Variants in SOHLH2 observed in about 807,000 individuals in gnomAD.
SOHLH2 encodes the protein spermatogenesis- and oogenesis-specific basic helix-loop-helix-containing protein 2.
SOHLH2 carries 22 observed loss-of-function variants against 50.4 expected under a neutral mutation model. The observed-to-expected ratio is 0.44, with a 90% CI of 0.31 to 0.62. The LOEUF is 0.62. Ranked by LOEUF, SOHLH2 falls within the 20% of genes least tolerant of loss-of-function variation. The pLI is 0.08. For missense variants in SOHLH2, 412 were observed against 504.4 expected (o/e 0.82, Z 1.76); for synonymous variants, 185 against 187.3 (o/e 0.99, Z 0.10).
chr13:36,194,817 T>C (rs1887675469), intron 2 of SOHLH2, among the ~76,000 whole-genome samples: 1 of 152,164 alleles, frequency 6.6e-6, no homozygotes, highest in African/African-American at 2.4e-5. Flanking sequence ...TAAAACATCA[T>C]TTATTAGCAT....
chr13:36,174,700 C>T (rs1887055224), intron 7 of SOHLH2, 22 bp downstream of exon 7: 1 of 1,590,056 alleles, frequency 6.3e-7, no homozygotes, highest in African/African-American at 1.4e-5. Context: ...GGATAAAATT[C>T]AAAGCTTTGG....
At chr13:36,199,343 C>A (rs1887829522) in intron 2 of SOHLH2, among the ~76,000 whole-genome samples, 1 of 152,120 alleles carries the variant, frequency 6.6e-6, no homozygotes, top group Admixed American at 6.5e-5. Context: ...AACCAAACGA[C>A]TCTGTCCCCT....
In SOHLH2 at chr13:36,191,880, C is replaced by T. The variant is rs368630913; in HGVS notation, c.445G>A (p.Ala149Thr). ...AATCCAAGTTCTTCAGGCCCAGTTG[C>T]GTTTTCAGTCTTAACTGAAAGTTTT... ...CPSNTVKTEN[A>T]TGPEELGLPL... The change falls in exon 5 of 11, where the codon GCA becomes ACA. Residue 149 changes from alanine to threonine, a missense_variant. Physicochemically the swap from Ala to Thr is moderately conservative, Grantham distance 58. Coordinates refer to ENST00000379881, the MANE Select transcript of SOHLH2 (RefSeq NM_017826.3). 24 of 1,613,756 alleles carry T rather than the reference C, an allele frequency of 1.5e-5. No individual in the cohort carries two copies. Among genetic ancestry groups the T allele is most frequent in the Non-Finnish European group, 2.0e-5 (24 of 1,179,850 alleles).
intron 1 of SOHLH2, among the ~76,000 whole-genome samples, chr13:36,207,912 C>T (rs1243690420): frequency 1.3e-5 from 2 of 152,120 alleles, no homozygotes; most frequent in African/African-American, 4.8e-5. Context: ...GAGAGATTTC[C>T]AGGGAGGTTC....
At chr13:36,213,649 A>C (rs1869252167) in intron 1 of SOHLH2, among the ~76,000 whole-genome samples, 1 of 152,048 alleles carries the variant, frequency 6.6e-6, no homozygotes, top group African/African-American at 2.4e-5. Context: ...GTGCTTTGCT[A>C]AAGGGGCTGA....
At chr13:36,214,293 C>T (rs1008682186) in intron 1 of SOHLH2, among the ~76,000 whole-genome samples, 186 bp downstream of exon 1, 11 of 152,134 alleles carry the variant, frequency 7.2e-5, no homozygotes, top group Admixed American at 6.5e-4. Context: ...CGGCGCTTCC[C>T]CAGCTCGGGG....
intron 5 of SOHLH2, 42 bp downstream of exon 5, chr13:36,191,753 C>A: frequency 1.2e-6 from 2 of 1,610,670 alleles, no homozygotes; most frequent in South Asian, 1.1e-5. Context: ...TCAATAAGTT[C>A]TCTAAAAATA....
At chr13:36,204,603 GGT>G (rs144625710) in intron 1 of SOHLH2, among the ~76,000 whole-genome samples, 1 of 151,848 alleles carries the variant, frequency 6.6e-6, no homozygotes, top group East Asian at 1.9e-4. Flanking sequence ...GGTGTGTGGG[GGT>G]GTGTGTGTGT....
rs1278782159 is a variant in SOHLH2, at chr13:36,211,995, T to C, written c.48+2484A>G. Among the ~76,000 whole-genome samples the C allele has an allele frequency of 2.6e-5, 4 of 152,148 alleles. No individual in the cohort carries two copies. The East Asian group carries it at 7.7e-4, about 29-fold the overall frequency. On this transcript the variant is annotated intron_variant, in intron 1 of 10. Coordinates refer to ENST00000379881, the MANE Select transcript of SOHLH2 (RefSeq NM_017826.3). The stretch of plus-strand genomic sequence containing the variant: ...CTTGAGCCTTTCCCTAGCTAGCACA[T>C]GGCATTCTGACTGCACTATCCTCCC...
chr13:36,212,911 G>A (rs1415082698), intron 1 of SOHLH2, among the ~76,000 whole-genome samples: 1 of 152,160 alleles, frequency 6.6e-6, no homozygotes, highest in Admixed American at 6.5e-5. Context: ...ATTTCCATTT[G>A]CAATCTGTGG....
intron 6 of SOHLH2, among the ~76,000 whole-genome samples, chr13:36,184,526 C>T (rs1159837443): frequency 1.5e-5 from 2 of 137,388 alleles, no homozygotes; most frequent in African/African-American, 5.6e-5. Context: ...GTGGCGCTAT[C>T]TCGGCTCACT....
At chr13:36,194,500 G>A (rs1887665593) in intron 2 of SOHLH2, among the ~76,000 whole-genome samples, 2 of 152,182 alleles carry the variant, frequency 1.3e-5, no homozygotes, top group East Asian at 3.8e-4. Context: ...TGGTGGGCAG[G>A]GGTGGGAAGG....
chr13:36,178,528 A>G (rs1887153696), intron 6 of SOHLH2, among the ~76,000 whole-genome samples: 1 of 152,138 alleles, frequency 6.6e-6, no homozygotes, highest in Non-Finnish European at 1.5e-5. Context: ...GCTTTAGGGT[A>G]AGTCTTGAAG....
chr13:36,189,208 G>A (rs7331697), intron 6 of SOHLH2, among the ~76,000 whole-genome samples: 122,915 of 152,090 alleles, frequency 0.81, 49,971 homozygotes, highest in East Asian at 1. Flanking sequence ...TCTGGCCTCC[G>A]GATGCAATTC....
Position 36,170,650 on chromosome 13 carries a change from C to T in SOHLH2, c.1138G>A (p.Val380Ile), listed in dbSNP as rs764411255. The T allele has an allele frequency of 1.9e-6, 3 of 1,614,184 alleles. No individual in the cohort carries two copies. Among genetic ancestry groups the T allele is most frequent in the African/African-American group, 1.3e-5 (1 of 75,052 alleles). ...KVTPSYDATAVTNQNISIHLP... is the reference protein window; with the variant it reads ...KVTPSYDATAITNQNISIHLP... The stretch of plus-strand genomic sequence containing the variant: ...TGAATTGAAATGTTCTGATTTGTTA[C>T]AGCAGTTGCATCGTAGGAAGGGGTG... The change falls in exon 10 of 11, where the codon GTA (valine) becomes ATA (isoleucine). Residue 380 changes from valine (V) to isoleucine (I), a missense_variant. Val to Ile is a conservative substitution (Grantham distance 29, BLOSUM62 3). Coordinates refer to ENST00000379881, the MANE Select transcript of SOHLH2 (RefSeq NM_017826.3).
At chr13:36,211,526 T>C (rs1348390481) in intron 1 of SOHLH2, among the ~76,000 whole-genome samples, 1 of 152,198 alleles carries the variant, frequency 6.6e-6, no homozygotes, top group Non-Finnish European at 1.5e-5. Context: ...CATTCAATCC[T>C]TGGAATATAG....
Position 36,201,601 on chromosome 13 carries a change from GA to G in SOHLH2, c.263+277del, listed in dbSNP as rs372351447. Among the ~76,000 whole-genome samples, 78 of 151,982 alleles carry G rather than the reference GA, an allele frequency of 5.1e-4. 1 individual carries two copies. The East Asian group carries it at 6.2e-3, about 12-fold the overall frequency. On this transcript the variant is annotated intron_variant, in intron 2 of 10. Transcript: ENST00000379881. ...CCCACCTCAGTCCTCCCAGTAACTG[GA>G]ACTATAGGTGCATGTCACCATGCCC...
chr13:36,210,526 C>G (rs1218064162), intron 1 of SOHLH2, among the ~76,000 whole-genome samples: 1 of 151,918 alleles, frequency 6.6e-6, no homozygotes. Flanking sequence ...GTTGTTGTAT[C>G]TCCTTGATCT....
At chr13:36,179,143 A>T (rs1457535858) in intron 6 of SOHLH2, among the ~76,000 whole-genome samples, 1 of 152,174 alleles carries the variant, frequency 6.6e-6, no homozygotes, top group East Asian at 1.9e-4. Context: ...TTATTTGATA[A>T]TGAACAGAAA....
Sources: gnomAD v4.1 joint callset for allele counts (sites outside exome capture counted in the v4.1 genomes callset) on GRCh38, gnomAD v4.1.1 for gene constraint, MANE v1.5 for transcripts, NCBI Gene and HGNC (gene_info 2026-07-23, HGNC 2026-07-21) for gene names.